CUEDC1: variants seen among roughly 807,000 people sequenced by gnomAD.
CUEDC1 encodes the protein CUE domain-containing protein 1.
CUEDC1 carries 30 observed loss-of-function variants against 43.7 expected under a neutral mutation model. The ratio of observed to expected loss-of-function variants is 0.69; its 90% CI spans 0.51 to 0.93. The LOEUF is 0.93. Among genes scored for constraint, CUEDC1 ranks in the 40% least tolerant of loss-of-function variants. The pLI is 0.00. For missense variants in CUEDC1, 486 were observed against 549.0 expected (o/e 0.89, Z 1.15); for synonymous variants, 223 against 223.6 (o/e 1.00, Z 0.02).
At chr17:57,884,796 C>T (rs1487275171) in intron 2 of CUEDC1, among the ~76,000 whole-genome samples, 2 of 152,218 alleles carry the variant, frequency 1.3e-5, no homozygotes, top group African/African-American at 2.4e-5. Flanking sequence ...ACCCGACTCG[C>T]GCTTCTAGTC....
At chr17:57,934,895 A>C (rs146590372) in intron 1 of CUEDC1, among the ~76,000 whole-genome samples, 1 of 151,952 alleles carries the variant, frequency 6.6e-6, no homozygotes, top group Non-Finnish European at 1.5e-5. Flanking sequence ...TTTAATAGAG[A>C]CAGGGTTTCG....
At chr17:57,874,196 C>T (rs541501311) in intron 3 of CUEDC1, among the ~76,000 whole-genome samples, 66 of 152,264 alleles carry the variant, frequency 4.3e-4, no homozygotes, top group African/African-American at 1.5e-3. Flanking sequence ...CATATGGGGA[C>T]GCCAGGATCC....
At position 57,930,562 on chromosome 17, in the gene CUEDC1, AT is replaced by A. The variant is rs1283004124; in HGVS notation, c.-316+24662del. Among the ~76,000 whole-genome samples, 1 of 152,216 alleles carries A rather than the reference AT, an allele frequency of 6.6e-6. No homozygotes were observed. The highest frequency in any genetic ancestry group is 1.5e-5 in the Non-Finnish European group (1 of 68,042). ...CACAACCACAGCAAGAGGAGGGAGGATTTTGAGAAAACTGTGCCCACTTCTT... is the reference window on the plus strand; with the variant it reads ...CACAACCACAGCAAGAGGAGGGAGGATTTGAGAAAACTGTGCCCACTTCTT... On this transcript the variant is annotated intron_variant, in intron 1 of 10. Coordinates refer to ENST00000577830, the MANE Select transcript of CUEDC1 (RefSeq NM_001271875.2). This position sits in a 1 kb window ranked among gnomAD's most constrained non-coding sequence, Gnocchi z 4.2.
intron 1 of CUEDC1, among the ~76,000 whole-genome samples, chr17:57,891,097 C>T (rs1222593475): frequency 1.3e-5 from 2 of 152,208 alleles, no homozygotes; most frequent in Admixed American, 1.3e-4. Context: ...CTTGGAATAC[C>T]ATCTGCATAC....
chr17:57,866,646 C>T, intron 9 of CUEDC1, 102 bp from the exon 10 acceptor site: 3 of 1,166,782 alleles, frequency 2.6e-6, no homozygotes, highest in Non-Finnish European at 2.5e-6. Context: ...CTCTCTGCCC[C>T]CTTCATTTGG....
At chr17:57,896,488 GTGT>G (rs1476480912) in intron 1 of CUEDC1, among the ~76,000 whole-genome samples, 16 of 36,022 alleles carry the variant, frequency 4.4e-4, no homozygotes, top group Admixed American at 9.2e-4. Context: ...GCATTATGGG[GTGT>G]GTGTGTGTGT....
At chr17:57,926,856 A>G (rs2074752408) in intron 1 of CUEDC1, among the ~76,000 whole-genome samples, 1 of 152,164 alleles carries the variant, frequency 6.6e-6, no homozygotes, top group Admixed American at 6.5e-5. Flanking sequence ...AACATAGGAA[A>G]TGGGGCTCAG....
intron 1 of CUEDC1, among the ~76,000 whole-genome samples, 165 bp from the exon 2 acceptor site, chr17:57,886,044 C>T (rs894407718): frequency 6.6e-6 from 1 of 152,200 alleles, no homozygotes; most frequent in Admixed American, 6.5e-5. Flanking sequence ...GTAATGAAAT[C>T]CCCACAGTTC....
At position 57,904,816 on chromosome 17, in the gene CUEDC1, G is replaced by A. The variant is rs1360944413; in HGVS notation, c.-315-18937C>T. 3.3e-5 allele frequency among the ~76,000 whole-genome samples: 5 copies of A among 152,280 alleles called. No homozygotes were observed. In the East Asian group the frequency reaches 9.7e-4, roughly 29 times the overall value. ...ACCCTTCCTCGGCTCTGCAGGGGTG[G>A]CTGCAGCAGAGGTGGCTTGTTCAGG... On this transcript the variant is annotated intron_variant, in intron 1 of 10. Transcript: ENST00000577830.
Position 57,864,706 on chromosome 17 carries a change from T to G in CUEDC1, c.*4-1421A>C, listed in dbSNP as rs923904811. On this transcript the variant is annotated intron_variant, in intron 10 of 10. Coordinates refer to ENST00000577830, the MANE Select transcript of CUEDC1 (RefSeq NM_001271875.2). ...GTGTTTAAGGGGAGGAGGAGGAGGA[T>G]GTCAACTTGCAGAAGGAGCTGGAAG... 2.6e-5 allele frequency among the ~76,000 whole-genome samples: 4 copies of G among 151,542 alleles called. 1 individual carries two copies. In the South Asian group the frequency reaches 8.3e-4, roughly 32 times the overall value.
chr17:57,883,164 A>G (rs777443048), intron 2 of CUEDC1, among the ~76,000 whole-genome samples: 1 of 152,170 alleles, frequency 6.6e-6, no homozygotes, highest in African/African-American at 2.4e-5. Flanking sequence ...GGAGAGAGAC[A>G]ATAGAAAACT....
rs2075037656 is a variant in CUEDC1, at chr17:57,954,561, G to T, written c.-316+664C>A. 6.6e-6 allele frequency among the ~76,000 whole-genome samples: 1 copy of T among 152,198 alleles called. No homozygotes were observed. The highest frequency in any genetic ancestry group is 2.4e-5 in the African/African-American group (1 of 41,444). ...GCCCCCCTTGGAGCTCAGAGCCTGGGGCACAGGAGCCGGCGGGGCGGGCGA... is the reference window on the plus strand; with the variant it reads ...GCCCCCCTTGGAGCTCAGAGCCTGGTGCACAGGAGCCGGCGGGGCGGGCGA... On this transcript the variant is annotated intron_variant, in intron 1 of 10. Transcript: ENST00000577830. The surrounding 1 kb of genome is among the most constrained non-coding windows in gnomAD (Gnocchi z 4.3).
At chr17:57,867,939 C>T (rs547822493) in intron 8 of CUEDC1, among the ~76,000 whole-genome samples, 3 of 152,306 alleles carry the variant, frequency 2.0e-5, no homozygotes, top group Non-Finnish European at 2.9e-5. Flanking sequence ...GAGCTGCTGC[C>T]CTGCTCCCTA....
intron 1 of CUEDC1, among the ~76,000 whole-genome samples, chr17:57,923,107 T>C (rs1423807851): frequency 6.6e-6 from 1 of 152,170 alleles, no homozygotes; most frequent in East Asian, 1.9e-4. Context: ...ATTACAGGCA[T>C]GAGCCTCTGC....
intron 3 of CUEDC1, among the ~76,000 whole-genome samples, chr17:57,874,407 G>A (rs955789534): frequency 4.6e-5 from 7 of 152,230 alleles, no homozygotes; most frequent in African/African-American, 1.7e-4. Flanking sequence ...ATGTGAGTGT[G>A]GAAGGGATCT....
At chr17:57,895,641 C>T (rs1414638378) in intron 1 of CUEDC1, among the ~76,000 whole-genome samples, 2 of 152,200 alleles carry the variant, frequency 1.3e-5, no homozygotes, top group Admixed American at 6.5e-5. Context: ...CCAAGATATT[C>T]GACTCAGGTG....
In CUEDC1 at chr17:57,879,699, C is replaced by T. The variant is rs772672320; in HGVS notation, c.376G>A (p.Glu126Lys). Residue 126 changes from glutamate to lysine, a missense_variant, in exon 3 of 11, where the codon GAG (glutamate) becomes AAG (lysine). Coordinates refer to ENST00000577830, the MANE Select transcript of CUEDC1 (RefSeq NM_001271875.2). ...GGCGGGGAGTACACAGGTGGGGGCT[C>T]TTCATCCGAGCTATCAGGTTCCAAA... is the stretch of plus-strand genomic sequence containing the variant. ...RTLEPDSSDEEPPPVYSPPAY... is the reference protein window; with the variant it reads ...RTLEPDSSDEKPPPVYSPPAY... The T allele has an allele frequency of 6.2e-7, 1 of 1,601,406 alleles. No individual in the cohort carries two copies.
At chr17:57,913,328 C>CAA (rs201695353) in intron 1 of CUEDC1, among the ~76,000 whole-genome samples, 4 of 130,328 alleles carry the variant, frequency 3.1e-5, no homozygotes, top group African/African-American at 8.5e-5. Context: ...GACTCCATCT[C>CAA]AAAAAAAAAA....
intron 1 of CUEDC1, among the ~76,000 whole-genome samples, chr17:57,926,265 T>C (rs941056319): frequency 3.3e-5 from 5 of 152,100 alleles, no homozygotes; most frequent in African/African-American, 1.2e-4. Context: ...TGCCTCTGCA[T>C]GGCCTCCTGC....
Sources: allele counts gnomAD v4.1 joint callset (sites outside exome capture counted in the v4.1 genomes callset), GRCh38; gene constraint gnomAD v4.1.1; non-coding constraint Gnocchi (gnomAD v3.1); transcripts MANE v1.5; gene names NCBI Gene and HGNC (gene_info 2026-07-23, HGNC 2026-07-21).